TANC2: variants seen among roughly 807,000 people sequenced by gnomAD.
TANC2 encodes the protein protein TANC2.
A neutral mutation model predicts 210.5 loss-of-function variants in TANC2; 26 were observed. The observed-to-expected ratio is 0.12, with a 90% CI of 0.09 to 0.17. The LOEUF is 0.17. Among genes scored for constraint, TANC2 ranks in the 10% least tolerant of loss-of-function variants. The pLI is 1.00. For synonymous variants in TANC2, 931 were observed against 967.1 expected (o/e 0.96, Z 0.69); for missense variants, 2,129 against 2,608.9 (o/e 0.82, Z 4.01).
chr17:63,138,486 G>T (rs1598457757), intron 4 of TANC2, among the ~76,000 whole-genome samples: 1 of 152,134 alleles, frequency 6.6e-6, no homozygotes, highest in East Asian at 1.9e-4. Flanking sequence ...TCTTTCTTTT[G>T]TATTAGTGCT....
intron 7 of TANC2, among the ~76,000 whole-genome samples, chr17:63,222,562 G>C (rs1196826996): frequency 6.6e-6 from 1 of 152,084 alleles, no homozygotes; most frequent in Non-Finnish European, 1.5e-5. Flanking sequence ...AGAGTGGTGG[G>C]TAAAGGTGTA....
At chr17:63,246,894 T>G (rs2042933978) in intron 8 of TANC2, among the ~76,000 whole-genome samples, 1 of 152,184 alleles carries the variant, frequency 6.6e-6, no homozygotes, top group African/African-American at 2.4e-5. Flanking sequence ...AAAAATGTTT[T>G]TCTAAAAGTA....
intron 1 of TANC2, chr17:62,978,544 T>C (rs1274310592): frequency 1.3e-5 from 2 of 152,278 alleles, no homozygotes; most frequent in African/African-American, 4.8e-5. Flanking sequence ...CAAAGCTTAG[T>C]ATGTTGACAG....
chr17:63,333,663 C>G (rs2045932170), intron 11 of TANC2, among the ~76,000 whole-genome samples: 1 of 152,200 alleles, frequency 6.6e-6, no homozygotes, highest in African/African-American at 2.4e-5. Flanking sequence ...AGAAGTTCTC[C>G]TATGGGTAAA....
intron 21 of TANC2, among the ~76,000 whole-genome samples, chr17:63,409,139 A>T (rs1049158878): frequency 3.9e-5 from 6 of 152,044 alleles, no homozygotes; most frequent in African/African-American, 1.4e-4. Flanking sequence ...TAAACTCTGA[A>T]TTTTTTGTTT....
intron 7 of TANC2, among the ~76,000 whole-genome samples, chr17:63,222,094 G>T (rs1256459783): frequency 6.6e-6 from 1 of 152,218 alleles, no homozygotes; most frequent in Non-Finnish European, 1.5e-5. Context: ...GATCAAGGCA[G>T]ATTCAGTGTC....
chr17:63,102,340 A>G (rs1220625581), intron 4 of TANC2, among the ~76,000 whole-genome samples: 4 of 151,816 alleles, frequency 2.6e-5, no homozygotes, highest in Non-Finnish European at 5.9e-5. Flanking sequence ...AAATAAATAA[A>G]TAAAAAGAGT....
chr17:63,314,407 G>A (rs753214101), exon 10 of TANC2: 3 of 1,613,790 alleles, frequency 1.9e-6, no homozygotes, highest in Admixed American at 3.3e-5. Context: ...CACCTTATAG[G>A]CCTCCAGATA....
intron 2 of TANC2, among the ~76,000 whole-genome samples, chr17:63,073,498 T>C (rs910657035): frequency 1.7e-4 from 26 of 152,312 alleles, no homozygotes; most frequent in African/African-American, 5.8e-4. Flanking sequence ...TTGATTTTTA[T>C]TTCATAAAAC....
At chr17:63,040,270 G>A (rs1310146990) in intron 2 of TANC2, among the ~76,000 whole-genome samples, 2 of 152,180 alleles carry the variant, frequency 1.3e-5, no homozygotes, top group Non-Finnish European at 2.9e-5. Flanking sequence ...TAAAGGAGAG[G>A]AAGTAGGACA....
intron 1 of TANC2, among the ~76,000 whole-genome samples, chr17:62,996,546 T>TG (rs1293913224): frequency 6.6e-6 from 1 of 152,148 alleles, no homozygotes; most frequent in African/African-American, 2.4e-5. Flanking sequence ...TCCCTGAATC[T>TG]GGTGTGATTC....
intron 9 of TANC2, among the ~76,000 whole-genome samples, chr17:63,280,867 G>T (rs1199111059): frequency 6.6e-6 from 1 of 152,082 alleles, no homozygotes; most frequent in Non-Finnish European, 1.5e-5. Context: ...ACTACTTGCT[G>T]AGAATTTTTA....
intron 14 of TANC2, among the ~76,000 whole-genome samples, chr17:63,365,732 G>A (rs2047090783): frequency 6.6e-6 from 1 of 151,746 alleles, no homozygotes. Flanking sequence ...CCTCCATCTG[G>A]AGCTCACTTT....
At chr17:63,198,193 CT>C (rs1047749763) in intron 6 of TANC2, among the ~76,000 whole-genome samples, 3 of 148,080 alleles carry the variant, frequency 2.0e-5, no homozygotes, top group Non-Finnish European at 4.5e-5. Context: ...AACTTTTCTT[CT>C]TTTTTTTTTC....
chr17:63,354,653 A>C (rs1195751930), intron 13 of TANC2, 130 bp from the exon 14 acceptor site: 9 of 1,200,286 alleles, frequency 7.5e-6, no homozygotes, highest in Non-Finnish European at 1.0e-5. Flanking sequence ...TTTGGATACT[A>C]ATACTTGATC....
At chr17:63,143,699 G>T (rs1207868635) in intron 4 of TANC2, among the ~76,000 whole-genome samples, 1 of 152,008 alleles carries the variant, frequency 6.6e-6, no homozygotes, top group Non-Finnish European at 1.5e-5. Context: ...GTCACTATTA[G>T]TATATAGTTA....
chr17:62,998,784 G>T (rs2033235741), intron 1 of TANC2, among the ~76,000 whole-genome samples: 1 of 152,096 alleles, frequency 6.6e-6, no homozygotes, highest in Non-Finnish European at 1.5e-5. Flanking sequence ...GACCATTACT[G>T]GCCACCACAA....
chr17:63,282,905 C>T (rs1011855851), intron 9 of TANC2, among the ~76,000 whole-genome samples: 1 of 151,902 alleles, frequency 6.6e-6, no homozygotes, highest in Non-Finnish European at 1.5e-5. Context: ...ATTTTTTCCT[C>T]GTTTATGACT....
chr17:63,012,712 C>T (rs896091328), intron 2 of TANC2, among the ~76,000 whole-genome samples: 1 of 152,150 alleles, frequency 6.6e-6, no homozygotes, highest in Non-Finnish European at 1.5e-5. Flanking sequence ...AATGCAGTGG[C>T]ACTATAATAG....
Sources: allele counts gnomAD v4.1 joint callset (sites outside exome capture counted in the v4.1 genomes callset), GRCh38; gene constraint gnomAD v4.1.1; transcripts MANE v1.5; gene names NCBI Gene and HGNC (gene_info 2026-07-23, HGNC 2026-07-21).